TCN2: variants seen among roughly 807,000 people sequenced by gnomAD.
The protein encoded by TCN2 is transcobalamin 2.
TCN2 carries 34 observed loss-of-function variants against 48.6 expected under a neutral mutation model. That is an observed-to-expected ratio of 0.70 (90% CI 0.53 to 0.93). The LOEUF (loss-of-function observed/expected upper bound fraction) is 0.93, where lower values mean the gene tolerates loss of function less well. Ranked by LOEUF, TCN2 falls within the 40% of genes least tolerant of loss-of-function variation. The pLI is 0.00. For synonymous variants in TCN2, 283 were observed against 212.5 expected, an observed-to-expected ratio of 1.33 and a Z score of -2.89; for missense variants, 652 against 526.1, an observed-to-expected ratio of 1.24 and a Z score of -2.34.
At position 30,626,632 on chromosome 22, in the gene TCN2, C is replaced by G. The variant is rs1234009662; in HGVS notation, c.*111C>G. 3.2e-6 allele frequency: 4 copies of G among 1,234,538 alleles called. No homozygotes were observed. The African/African-American group carries it at 5.9e-5, about 18-fold the overall frequency. 76.5% of individuals were successfully genotyped at this position (1,234,538 alleles called of 1,614,324 possible). A position where few individuals can be genotyped will look rare whatever the true frequency, so the allele number is the denominator to read the frequency against. The stretch of plus-strand genomic sequence containing the variant: ...TGACCCTGCTGCCACCTCCTGTGCA[C>G]TTTGAGCAATGCCCCCTGGGATCAC... On this transcript the variant is annotated 3_prime_UTR_variant, in exon 9 of 9. Coordinates refer to ENST00000215838, the MANE Select transcript of TCN2 (RefSeq NM_000355.4).
intron 1 of TCN2, among the ~76,000 whole-genome samples, chr22:30,609,960 A>C (rs1232382728): frequency 6.6e-6 from 1 of 152,168 alleles, no homozygotes; most frequent in Admixed American, 6.5e-5. Context: ...TGGCACAGTG[A>C]AGGCCACCAT....
chr22:30,610,633 C>A (rs1347568431), intron 1 of TCN2, among the ~76,000 whole-genome samples: 1 of 152,248 alleles, frequency 6.6e-6, no homozygotes, highest in African/African-American at 2.4e-5. Flanking sequence ...CCTCTATCTT[C>A]AGCCCACCAC....
chr22:30,607,495 C>T (rs2087470475), intron 1 of TCN2, 100 bp downstream of exon 1: 2 of 1,353,652 alleles, frequency 1.5e-6, no homozygotes, highest in East Asian at 2.3e-5. Flanking sequence ...TCTAAGCTCC[C>T]ATAGCAGTTT....
chr22:30,619,942 C>T (rs940972235), intron 7 of TCN2, among the ~76,000 whole-genome samples: 1 of 152,066 alleles, frequency 6.6e-6, no homozygotes, highest in Non-Finnish European at 1.5e-5. Flanking sequence ...TCACTTGAGC[C>T]TAGGAGTTTG....
At chr22:30,616,148 T>A (rs1054600728) in intron 6 of TCN2, among the ~76,000 whole-genome samples, 8 of 152,144 alleles carry the variant, frequency 5.3e-5, no homozygotes, top group Admixed American at 5.2e-4. Context: ...AGGCTTTCTC[T>A]GAGAGAGGGT....
intron 4 of TCN2, 43 bp downstream of exon 4, chr22:30,614,544 C>T (rs765635375): frequency 6.2e-7 from 1 of 1,612,630 alleles, no homozygotes; most frequent in East Asian, 2.2e-5. Flanking sequence ...GGCACTCCCT[C>T]AGTCCCCAGG....
chr22:30,623,072 C>T lies in TCN2; in HGVS notation c.1211C>T (p.Pro404Leu). The change falls in exon 8 of 9, where the codon CCA (proline) becomes CTA (leucine). Residue 404 changes from proline (P) to leucine (L), a missense_variant. Physicochemically the swap from Pro to Leu is moderately conservative, Grantham distance 98 (BLOSUM62 -3). Coordinates refer to ENST00000215838, the MANE Select transcript of TCN2 (RefSeq NM_000355.4). Reference protein sequence around the residue: ...FWQLLRDPNTPLLQGIADYRP... With the variant: ...FWQLLRDPNTLLLQGIADYRP... ...CAGCTTCTCCGAGACCCCAACACCC[C>T]ACTGTTGCAAGGTGAGTCATGGCCT... 3.7e-6 allele frequency: 6 copies of T among 1,613,966 alleles called. No homozygotes were observed. The highest frequency in any genetic ancestry group is 5.1e-6 in the Non-Finnish European group (6 of 1,179,998).
chr22:30,612,538 G>A (rs370089996), intron 2 of TCN2, among the ~76,000 whole-genome samples: 3 of 152,030 alleles, frequency 2.0e-5, no homozygotes, highest in Non-Finnish European at 2.9e-5. Context: ...CAACAAGAGC[G>A]AAACTCTGTC....
intron 8 of TCN2, among the ~76,000 whole-genome samples, chr22:30,624,631 GAC>G (rs917371628): frequency 1.3e-5 from 2 of 152,182 alleles, no homozygotes; most frequent in African/African-American, 4.8e-5. Context: ...TACTGATAAA[GAC>G]AGGAGGGTGA....
chr22:30,615,781 C>G lies in TCN2; in HGVS notation c.934C>G (p.Pro312Ala). ...IDLIFPDCLAPRVMLEPAAET... is the reference protein window; with the variant it reads ...IDLIFPDCLAARVMLEPAAET... Reference sequence around the variant, plus strand: ...TCTGATCTTCCCAGACTGTCTGGCACCACGAGGTAGCCCAACTTTTTGTGG... The same window carrying G: ...TCTGATCTTCCCAGACTGTCTGGCAGCACGAGGTAGCCCAACTTTTTGTGG... The change falls in exon 6 of 9, where the codon CCA becomes GCA. Residue 312 changes from proline (P) to alanine (A), a missense_variant. Transcript: ENST00000215838. 1 of 1,614,226 alleles carries G rather than the reference C, an allele frequency of 6.2e-7. No homozygotes were observed. The highest frequency in any genetic ancestry group is 1.6e-4 in the Middle Eastern group (1 of 6,062).
intron 7 of TCN2, 122 bp from the exon 8 acceptor site, chr22:30,622,846 G>C (rs976119845): frequency 1.0e-5 from 10 of 987,842 alleles, no homozygotes; most frequent in African/African-American, 9.6e-5. Flanking sequence ...GGCCTGGGAA[G>C]GGTTTGACGA....
At chr22:30,620,158 T>A (rs905935516) in intron 7 of TCN2, among the ~76,000 whole-genome samples, 126 of 145,884 alleles carry the variant, frequency 8.6e-4, no homozygotes, top group Middle Eastern at 3.5e-3. Context: ...TTTTTTTTTT[T>A]AAAAGACAAA....
chr22:30,626,048 C>T (rs965669633), intron 8 of TCN2, among the ~76,000 whole-genome samples: 1 of 152,160 alleles, frequency 6.6e-6, no homozygotes. Flanking sequence ...TGTCCAGAGT[C>T]ACAGCAGTAA....
intron 7 of TCN2, 60 bp downstream of exon 7, chr22:30,617,555 CA>C: frequency 6.2e-7 from 1 of 1,610,078 alleles, no homozygotes; most frequent in Non-Finnish European, 8.5e-7. Context: ...ATAACAGGGT[CA>C]CAGAAGAGAC....
At chr22:30,616,166 C>T (rs183347798) in intron 6 of TCN2, among the ~76,000 whole-genome samples, 12 of 152,060 alleles carry the variant, frequency 7.9e-5, no homozygotes, top group Non-Finnish European at 1.2e-4. Flanking sequence ...GGTCTGAGGA[C>T]GTGACTGGGA....
rs546434149 is a variant in TCN2, at chr22:30,625,518, A to G, written c.1223-942A>G. ...TCACTCTGTCACCCACGCTGAGTGC[A>G]GTATCACAATCTCAGCTCACTGCAA... is the stretch of plus-strand genomic sequence containing the variant. On this transcript the variant is annotated intron_variant, in intron 8 of 8. Transcript: ENST00000215838. 8.8e-4 allele frequency among the ~76,000 whole-genome samples: 134 copies of G among 152,158 alleles called. 1 individual carries two copies. The highest frequency in any genetic ancestry group is 1.6e-3 in the Admixed American group (24 of 15,276).
intron 7 of TCN2, among the ~76,000 whole-genome samples, chr22:30,621,473 T>C: frequency 8.4e-6 from 1 of 118,564 alleles, no homozygotes; most frequent in Non-Finnish European, 1.9e-5. Flanking sequence ...ATTTGTTGTT[T>C]TTTGTTTGTT....
At chr22:30,608,999 A>G (rs1248563114) in intron 1 of TCN2, among the ~76,000 whole-genome samples, 1 of 152,038 alleles carries the variant, frequency 6.6e-6, no homozygotes, top group Non-Finnish European at 1.5e-5. Context: ...TGGGCTAAGA[A>G]TGCTCCCCTG....
Position 30,626,532 on chromosome 22 carries a change from C to G in TCN2, c.*11C>G, listed in dbSNP as rs752904961. ...CTGGTTAGCTGGTAGCCCCTGAGCT[C>G]CCTCATCCCAGCAGCCTCGCACACT... On this transcript the variant is annotated 3_prime_UTR_variant, in exon 9 of 9. Coordinates refer to ENST00000215838, the MANE Select transcript of TCN2 (RefSeq NM_000355.4). 1 of 1,613,974 alleles carries G rather than the reference C, an allele frequency of 6.2e-7. No individual in the cohort carries two copies. Among genetic ancestry groups the G allele is most frequent in the East Asian group, 2.2e-5 (1 of 44,882 alleles).
Sources: allele counts gnomAD v4.1 joint callset (sites outside exome capture counted in the v4.1 genomes callset), GRCh38; gene constraint gnomAD v4.1.1; transcripts MANE v1.5; gene names NCBI Gene and HGNC (gene_info 2026-07-23, HGNC 2026-07-21).